The following SCN1A variants were observed in gnomAD, a reference collection of about 807,000 sequenced individuals.
SCN1A encodes the protein sodium voltage-gated channel alpha subunit 1, also known as sodium channel protein type 1 subunit alpha.
A neutral mutation model predicts 193.7 loss-of-function variants in SCN1A; 13 were observed. The observed-to-expected ratio is 0.07, with a 90% CI of 0.04 to 0.11. The LOEUF (loss-of-function observed/expected upper bound fraction) is 0.11. Among genes scored for constraint, SCN1A ranks in the 10% least tolerant of loss-of-function variants. SCN1A has a pLI of 1.00. For missense variants in SCN1A, 1,432 were observed against 2,451.1 expected (o/e 0.58, Z 8.78); for synonymous variants, 781 against 843.6 (o/e 0.93, Z 1.29).
chr2:166,063,026 T>C (rs1050016905), intron 4 of SCN1A, among the ~76,000 whole-genome samples: 17 of 152,158 alleles, frequency 1.1e-4, no homozygotes, highest in Admixed American at 2.6e-4. Context: ...CATAGGAACA[T>C]TGACATGACT....
intron 13 of SCN1A, among the ~76,000 whole-genome samples, chr2:166,044,751 C>T (rs1697594131): frequency 6.6e-6 from 1 of 151,568 alleles, no homozygotes; most frequent in Admixed American, 6.6e-5. Context: ...TGCTGAGGAT[C>T]AAAAAGATTA....
chr2:166,104,305 G>A (rs1396909358), intron 2 of SCN1A: 1 of 152,148 alleles, frequency 6.6e-6, no homozygotes, highest in East Asian at 1.9e-4. Context: ...GTAAGAAAGA[G>A]ATAATGATGA....
rs568898713 is a variant in SCN1A at position 166,114,952 on chromosome 2, A to G, written c.-142+11972T>C. ...CATAGATTATGAGATCACAAATATTATTTTCTTCTTTATGCTTTTCTAAAT... is the reference window on the plus strand; with the variant it reads ...CATAGATTATGAGATCACAAATATTGTTTTCTTCTTTATGCTTTTCTAAAT... On this transcript the variant is annotated intron_variant, in intron 2 of 28. Transcript: ENST00000674923. 1.3e-3 allele frequency among the ~76,000 whole-genome samples: 192 copies of G among 152,230 alleles called. 1 individual carries two copies. Among genetic ancestry groups the G allele is most frequent in the African/African-American group, 4.5e-3 (185 of 41,544 alleles).
intron 1 of SCN1A, among the ~76,000 whole-genome samples, chr2:166,134,885 A>G (rs932226518): frequency 2.0e-5 from 3 of 152,184 alleles, no homozygotes; most frequent in Non-Finnish European, 2.9e-5. Flanking sequence ...AGATCAAGGT[A>G]CATCACAATA....
chr2:166,132,378 GT>G (rs58736740), upstream of SCN1A, among the ~76,000 whole-genome samples: 127,281 of 149,582 alleles, frequency 0.85, 54,281 homozygotes, highest in East Asian at 0.98. Context: ...TTTCCTAGTG[GT>G]TTTTTTTTTT....
Position 166,051,822 on chromosome 2 carries a change from C to A in SCN1A, c.861G>T (p.Leu287Phe). 6.2e-7 allele frequency: 1 copy of A among 1,612,440 alleles called. No individual in the cohort carries two copies. Among genetic ancestry groups the A allele is most frequent in the Non-Finnish European group, 8.5e-7 (1 of 1,179,000 alleles). ...TATTCTTTTCTATACTATGTTCCTC[C>A]AAGGAAGCATTGGTGGGAGGCCATT... Reference protein sequence around the residue: ...CIQWPPTNASLEEHSIEKNIT... With the variant: ...CIQWPPTNASFEEHSIEKNIT... Residue 287 changes from leucine (L) to phenylalanine (F), a missense_variant, in exon 9 of 29, where the codon TTG (leucine) becomes TTT (phenylalanine). Physicochemically the swap from Leu to Phe is conservative, Grantham distance 22. This residue lies in a region of SCN1A where 52 missense variants were observed against 59.6 expected (regional missense o/e 0.87). Transcript: ENST00000674923.
At chr2:166,106,907 C>T (rs979267550) in intron 2 of SCN1A, among the ~76,000 whole-genome samples, 1 of 152,042 alleles carries the variant, frequency 6.6e-6, no homozygotes, top group African/African-American at 2.4e-5. Context: ...CTTTAAGTGC[C>T]CAATACACTA....
chr2:166,139,731 C>T (rs1284568403), intron 1 of SCN1A, among the ~76,000 whole-genome samples: 2 of 152,030 alleles, frequency 1.3e-5, no homozygotes, highest in Admixed American at 6.6e-5. Context: ...AAGGGGAAAC[C>T]CCTTATAAAA....
intron 2 of SCN1A, among the ~76,000 whole-genome samples, chr2:166,124,638 A>G (rs891314091): frequency 3.3e-5 from 5 of 152,214 alleles, no homozygotes; most frequent in Non-Finnish European, 7.3e-5. Flanking sequence ...CATGTCAGAA[A>G]GCAGATGAAT....
intron 2 of SCN1A, among the ~76,000 whole-genome samples, chr2:166,113,285 T>G (rs10185842): frequency 0.26 from 39,032 of 151,998 alleles, 5,092 homozygotes; most frequent in Non-Finnish European, 0.27. Flanking sequence ...ACAGTAGTAC[T>G]TGGCTTTTTT....
intron 2 of SCN1A, among the ~76,000 whole-genome samples, chr2:166,117,471 G>T (rs1689992984): frequency 6.6e-6 from 1 of 152,068 alleles, no homozygotes; most frequent in Non-Finnish European, 1.5e-5. Context: ...TTTTTACTGG[G>T]AATGAATTAC....
chr2:166,132,272 C>T (rs1456769480), upstream of SCN1A, among the ~76,000 whole-genome samples: 1 of 152,064 alleles, frequency 6.6e-6, no homozygotes, highest in African/African-American at 2.4e-5. Context: ...TGACTTTGCC[C>T]CCTTTTGATT....
chr2:165,994,086 T>C, intron 28 of SCN1A, 60 bp downstream of exon 28: 1 of 1,296,646 alleles, frequency 7.7e-7, no homozygotes, highest in Non-Finnish European at 1.1e-6. Context: ...GAATCTAATC[T>C]TGATTGTTTC....
At chr2:166,114,567 G>C (rs1387205272) in intron 2 of SCN1A, among the ~76,000 whole-genome samples, 2 of 152,086 alleles carry the variant, frequency 1.3e-5, no homozygotes, top group Non-Finnish European at 2.9e-5. Context: ...AAAACCCTAA[G>C]TTTTGGGATC....
intron 17 of SCN1A, among the ~76,000 whole-genome samples, chr2:166,038,517 T>C (rs1262637351): frequency 6.6e-6 from 1 of 151,978 alleles, no homozygotes; most frequent in African/African-American, 2.4e-5. Flanking sequence ...AATATATATA[T>C]AGTAGAGACG....
intron 19 of SCN1A, among the ~76,000 whole-genome samples, chr2:166,026,694 T>G (rs1288046785): frequency 7.9e-5 from 11 of 139,378 alleles, no homozygotes; most frequent in Non-Finnish European, 1.3e-4. Flanking sequence ...TTTTTTTTTT[T>G]TTTTTTTGAG....
chr2:166,070,006 T>C (rs12622412), intron 4 of SCN1A, among the ~76,000 whole-genome samples: 3,728 of 152,298 alleles, frequency 0.024, 222 homozygotes, highest in Admixed American at 0.14. Context: ...AGTCATCGAA[T>C]ATTGAAAGAA....
At chr2:166,140,441 T>C (rs933187707) in intron 1 of SCN1A, among the ~76,000 whole-genome samples, 7 of 152,174 alleles carry the variant, frequency 4.6e-5, no homozygotes, top group Admixed American at 1.3e-4. Context: ...TTGTCAAACA[T>C]GTTAGGGGGC....
intron 27 of SCN1A, among the ~76,000 whole-genome samples, chr2:165,995,278 C>T (rs1689863084): frequency 6.6e-6 from 1 of 151,782 alleles, no homozygotes; most frequent in South Asian, 2.1e-4. Flanking sequence ...TCAATCATCA[C>T]AATATGAATA....
Sources: gnomAD v4.1 joint callset for allele counts (sites outside exome capture counted in the v4.1 genomes callset) on GRCh38, gnomAD v4.1.1 for gene constraint, gnomAD v4.1.1 regional missense constraint, MANE v1.5 for transcripts, NCBI Gene and HGNC (gene_info 2026-07-23, HGNC 2026-07-21) for gene names.